B4GALNT2: variants seen among roughly 807,000 people sequenced by gnomAD.
B4GALNT2 encodes beta-1,4-N-acetyl-galactosaminyltransferase 2 (SID blood group).
In B4GALNT2, 42 loss-of-function variants were observed where a neutral mutation model predicts 51.1. That is an observed-to-expected ratio of 0.82 (90% CI 0.64 to 1.06). The LOEUF is 1.06. B4GALNT2 is among the 50% of genes least tolerant of loss of function. The pLI is 0.00. For synonymous variants in B4GALNT2, 253 were observed against 251.7 expected (o/e 1.01, Z -0.05); for missense variants, 602 against 633.6 (o/e 0.95, Z 0.54).
intron 10 of B4GALNT2, 67 bp downstream of exon 10, chr17:49,168,967 C>A: frequency 6.7e-7 from 1 of 1,490,532 alleles, no homozygotes; most frequent in South Asian, 1.3e-5. Context: ...TTGTTCTTTC[C>A]AAGGGCTGTA....
chr17:49,131,545 T>C (rs9912708), upstream of B4GALNT2, among the ~76,000 whole-genome samples: 79,270 of 148,556 alleles, frequency 0.53, 21,272 homozygotes, highest in Middle Eastern at 0.62. Flanking sequence ...CTCTGTCACC[T>C]AGACTGGAGT....
At position 49,150,284 on chromosome 17, in the gene B4GALNT2, T is replaced by C. The variant is rs370977548; in HGVS notation, c.354-2516T>C. 4.4e-3 allele frequency among the ~76,000 whole-genome samples: 257 copies of C among 58,212 alleles called. 2 individuals are homozygous for C. Among genetic ancestry groups the C allele is most frequent in the East Asian group, 0.017 (15 of 906 alleles). The allele number at this position is 58,212 out of a possible 152,430, so 38.2% of individuals were successfully genotyped here. ...CCCCCGCCCGGCCAGCCGCCCCGTCTGGGAGGGAGGTGGGGGGGGTCAGCC... is the reference window on the plus strand; with the variant it reads ...CCCCCGCCCGGCCAGCCGCCCCGTCCGGGAGGGAGGTGGGGGGGGTCAGCC... On this transcript the variant is annotated intron_variant, in intron 3 of 10. Transcript: ENST00000393354.
chr17:49,166,252 G>T lies in B4GALNT2; in HGVS notation c.1093G>T (p.Val365Leu). The change falls in exon 9 of 11, where the codon GTG (valine) becomes TTG (leucine). Residue 365 changes from valine (V) to leucine (L), a missense_variant and splice_region_variant. Transcript: ENST00000393354. ...VDVLEKTELDVVGGSVLGNVF... is the reference protein window; with the variant it reads ...VDVLEKTELDLVGGSVLGNVF... The stretch of plus-strand genomic sequence containing the variant: ...TGTCCTGGAGAAAACAGAACTGGAC[G>T]TGGTAAGGGACAGTTGCCAGTTTCA... The T allele has an allele frequency of 6.2e-7, 1 of 1,612,310 alleles. No homozygotes were observed. The highest frequency in any genetic ancestry group is 1.7e-4 in the Middle Eastern group (1 of 5,960).
chr17:49,132,057 A>G (rs564170488), upstream of B4GALNT2, among the ~76,000 whole-genome samples: 1 of 152,148 alleles, frequency 6.6e-6, no homozygotes, highest in South Asian at 2.1e-4. Context: ...TGGGAGAATC[A>G]TTTGAGCGCT....
chr17:49,159,266 C>G (rs1422863146), intron 6 of B4GALNT2, 49 bp downstream of exon 6: 1 of 1,553,110 alleles, frequency 6.4e-7, no homozygotes, highest in East Asian at 2.3e-5. Context: ...CCAGAAGATA[C>G]CTCTGGGCCC....
At chr17:49,157,053 G>A (rs561186060) in intron 5 of B4GALNT2, among the ~76,000 whole-genome samples, 14 of 152,316 alleles carry the variant, frequency 9.2e-5, no homozygotes, top group Non-Finnish European at 1.6e-4. Flanking sequence ...TGGGAAGTGT[G>A]GTTTTAGTTT....
Position 49,158,831 on chromosome 17 carries a change from G to T in B4GALNT2, c.499-206G>T, listed in dbSNP as rs538069169. On this transcript the variant is annotated intron_variant, in intron 5 of 10. Coordinates refer to ENST00000393354, the MANE Select transcript of B4GALNT2 (RefSeq NM_001159387.2). ...AGAAATGGGTCCTTTCATCCTTGGGGCCCTAGGACTTGGGGGATTGGGGGC... is the reference window on the plus strand; with the variant it reads ...AGAAATGGGTCCTTTCATCCTTGGGTCCCTAGGACTTGGGGGATTGGGGGC... Among the ~76,000 whole-genome samples the T allele has an allele frequency of 6.5e-4, 99 of 152,112 alleles. No individual in the cohort carries two copies. The highest frequency in any genetic ancestry group is 3.4e-3 in the Middle Eastern group (1 of 294).
chr17:49,155,816 C>T (rs987640428), intron 4 of B4GALNT2, among the ~76,000 whole-genome samples: 4 of 151,186 alleles, frequency 2.6e-5, no homozygotes, highest in African/African-American at 7.3e-5. Context: ...CTCCGCCTCC[C>T]GGGTTCACGC....
chr17:49,136,091 A>AG (rs1318110042), intron 1 of B4GALNT2, among the ~76,000 whole-genome samples: 1 of 151,390 alleles, frequency 6.6e-6, no homozygotes, highest in Non-Finnish European at 1.5e-5. Flanking sequence ...TCAAAAAAAA[A>AG]AAAAAAGAAA....
chr17:49,159,557 G>T (rs1221449720), intron 6 of B4GALNT2, among the ~76,000 whole-genome samples: 1 of 152,126 alleles, frequency 6.6e-6, no homozygotes, highest in Non-Finnish European at 1.5e-5. Flanking sequence ...GGCCAGGCTG[G>T]TCTTGAACTC....
chr17:49,138,617 C>T (rs553851961), intron 1 of B4GALNT2, among the ~76,000 whole-genome samples: 8 of 152,274 alleles, frequency 5.3e-5, no homozygotes, highest in African/African-American at 7.2e-5. Flanking sequence ...GTGGCTCATG[C>T]GTGTAATCCC....
chr17:49,133,007 G>A (rs748932510), intron 1 of B4GALNT2: 7 of 1,463,610 alleles, frequency 4.8e-6, no homozygotes, highest in African/African-American at 1.5e-5. Flanking sequence ...CGTGCGGAAC[G>A]AACTCTGCAC....
At chr17:49,164,572 G>T (rs758831090) in intron 8 of B4GALNT2, among the ~76,000 whole-genome samples, 1 of 146,528 alleles carries the variant, frequency 6.8e-6, no homozygotes, top group Non-Finnish European at 1.5e-5. Flanking sequence ...CATGATCTCA[G>T]CTCACTGCAA....
upstream of B4GALNT2, among the ~76,000 whole-genome samples, chr17:49,129,210 TAGAG>T (rs1308300678): frequency 1.2e-4 from 15 of 122,580 alleles, no homozygotes; most frequent in African/African-American, 4.0e-4. Flanking sequence ...GAGAGAGAGA[TAGAG>T]AGGAGGATGA....
rs1054100196 is a variant in B4GALNT2, at chr17:49,175,719, C to G, written c.*5991C>G. 1 of 152,218 alleles carries G rather than the reference C, an allele frequency of 6.6e-6. No homozygotes were observed. The highest frequency in any genetic ancestry group is 2.4e-5 in the African/African-American group (1 of 41,440). The allele number at this position is 152,218 out of a possible 1,614,324, so 9.4% of individuals were successfully genotyped here. A position where few individuals can be genotyped will look rare whatever the true frequency, so the allele number is the denominator to read the frequency against. On this transcript the variant is annotated 3_prime_UTR_variant, in exon 11 of 11. Coordinates refer to ENST00000393354, the MANE Select transcript of B4GALNT2 (RefSeq NM_001159387.2). Reference sequence around the variant, plus strand: ...ACAGGGAACTGCCAAGCCTCTATATCACCCTCTCGTCTAGCTGGCTCAATT... The same window carrying G: ...ACAGGGAACTGCCAAGCCTCTATATGACCCTCTCGTCTAGCTGGCTCAATT...
chr17:49,126,060 G>C, the B4GALNT2 span, among the ~76,000 whole-genome samples: 8 of 152,240 alleles, frequency 5.3e-5, no homozygotes, highest in East Asian at 1.2e-3. Context: ...AATAGAAAGG[G>C]GGGAAAGGTG....
At chr17:49,122,932 A>G in the B4GALNT2 span, among the ~76,000 whole-genome samples, 2 of 152,216 alleles carry the variant, frequency 1.3e-5, no homozygotes, top group Non-Finnish European at 2.9e-5. Flanking sequence ...AAAGGTTTTA[A>G]TATTTGGCTG....
chr17:49,141,427 C>T lies in B4GALNT2; in HGVS notation c.195C>T (p.Leu65=), dbSNP rs1169102576. The T allele has an allele frequency of 3.1e-6, 5 of 1,614,154 alleles. No homozygotes were observed. Among genetic ancestry groups the T allele is most frequent in the Admixed American group, 1.7e-5 (1 of 60,024 alleles). ...KLLPEERLRN[L]FSYDGIWLFP... ...TGCCTGAGGAACGTCTCAGGAACCT[C>T]TTTTCCTACGATGGAATCTGGTGAG... The change falls in exon 2 of 11, where the codon CTC becomes CTT. Residue 65 remains leucine (L), a synonymous_variant. Transcript: ENST00000393354.
chr17:49,159,177 A>G lies in B4GALNT2; in HGVS notation c.639A>G (p.Thr213=), dbSNP rs1470411952. Reference sequence around the variant, plus strand: ...TGAAGTTCATTCTTCAGCACGTGACATACACCAGCACGGGGTACCAGCACC... The same window carrying G: ...TGAAGTTCATTCTTCAGCACGTGACGTACACCAGCACGGGGTACCAGCACC... ...KLLKFILQHV[T]YTSTGYQHQK... The change falls in exon 6 of 11, where the codon ACA becomes ACG. Residue 213 remains threonine, a synonymous_variant. Transcript: ENST00000393354. 1 of 1,614,198 alleles carries G rather than the reference A, an allele frequency of 6.2e-7. No homozygotes were observed. The highest frequency in any genetic ancestry group is 8.5e-7 in the Non-Finnish European group (1 of 1,180,042).
Sources: gnomAD v4.1 joint callset for allele counts (sites outside exome capture counted in the v4.1 genomes callset) on GRCh38, gnomAD v4.1.1 for gene constraint, MANE v1.5 for transcripts, NCBI Gene and HGNC (gene_info 2026-07-23, HGNC 2026-07-21) for gene names.